Variants in ENDOV observed in about 807,000 individuals in gnomAD.
The protein encoded by ENDOV is hEndoV.
In ENDOV, 37 loss-of-function variants were observed where a neutral mutation model predicts 39.4. The ratio of observed to expected loss-of-function variants is 0.94; its 90% CI spans 0.72 to 1.23. The LOEUF is 1.23. ENDOV is among the 50% of genes most tolerant of loss of function. ENDOV has a pLI of 0.00. For missense variants in ENDOV, 441 were observed against 375.7 expected (o/e 1.17, Z -1.44); for synonymous variants, 186 against 163.4 (o/e 1.14, Z -1.05).
In ENDOV at chr17:80,436,406, AG is replaced by A; in HGVS notation, c.*264del. On this transcript the variant is annotated 3_prime_UTR_variant, in exon 10 of 10. Coordinates refer to ENST00000518137, the MANE Select transcript of ENDOV (RefSeq NM_173627.5). ...ACCACTAGATGTGATGTGAGCTGTT[AG>A]ATTTTCAAGGATGCTCTTCATCCAG... is the stretch of plus-strand genomic sequence containing the variant. The A allele has an allele frequency of 7.2e-7, 1 of 1,379,794 alleles. No homozygotes were observed. The highest frequency in any genetic ancestry group is 9.5e-7 in the Non-Finnish European group (1 of 1,049,802). 85.5% of individuals were successfully genotyped at this position (1,379,794 alleles called of 1,614,324 possible).
At chr17:80,436,031 A>G (rs1005121345) in intron 9 of ENDOV, 102 bp from the exon 10 acceptor site, 1 of 1,325,188 alleles carries the variant, frequency 7.5e-7, no homozygotes, top group Non-Finnish European at 1.1e-6. Flanking sequence ...CTGAGATTAC[A>G]GGCGCGAGCC....
intron 5 of ENDOV, chr17:80,424,150 A>C (rs1250918509): frequency 2.5e-6 from 1 of 399,198 alleles, no homozygotes; most frequent in African/African-American, 2.1e-5. Flanking sequence ...AGACACTCAC[A>C]ATGGAGGGAG....
At chr17:80,429,501 G>T (rs967284355) in intron 8 of ENDOV, among the ~76,000 whole-genome samples, 1 of 152,182 alleles carries the variant, frequency 6.6e-6, no homozygotes, top group African/African-American at 2.4e-5. Flanking sequence ...TTCCCTCTAA[G>T]CCAGGGGCTG....
intron 7 of ENDOV, among the ~76,000 whole-genome samples, chr17:80,426,704 G>A (rs1012760279): frequency 2.0e-5 from 3 of 152,222 alleles, no homozygotes; most frequent in Non-Finnish European, 2.9e-5. Context: ...GGAGCCAGAT[G>A]GCAGTGAAGT....
chr17:80,415,727 T>G lies in ENDOV; in HGVS notation c.134T>G (p.Leu45Arg), dbSNP rs1449040228. ...AWQRDPAFSG[L>R]QRVGGVDVSF... ...CAGCGAGACCCCGCCTTCTCGGGTC[T>G]GCAGAGGGTCGGGGGCGTTGACGTG... The change falls in exon 2 of 10, where the codon CTG (leucine) becomes CGG (arginine). Residue 45 changes from leucine (L) to arginine (R), a missense_variant. Coordinates refer to ENST00000518137, the MANE Select transcript of ENDOV (RefSeq NM_173627.5). 6.2e-7 allele frequency: 1 copy of G among 1,609,362 alleles called. No individual in the cohort carries two copies. Among genetic ancestry groups the G allele is most frequent in the East Asian group, 2.2e-5 (1 of 44,718 alleles).
intron 9 of ENDOV, 109 bp from the exon 10 acceptor site, chr17:80,436,024 A>T: frequency 7.9e-7 from 1 of 1,263,836 alleles, no homozygotes; most frequent in Non-Finnish European, 1.1e-6. Context: ...CCAAGTGCTG[A>T]GATTACAGGC....
intron 3 of ENDOV, 107 bp downstream of exon 3, chr17:80,422,069 C>G: frequency 3.2e-6 from 5 of 1,557,560 alleles, no homozygotes; most frequent in Non-Finnish European, 4.3e-6. Flanking sequence ...GACTCATGAG[C>G]TTCCTGGAAG....
At chr17:80,427,341 C>T (rs2082825109) in intron 7 of ENDOV, 3 of 803,238 alleles carry the variant, frequency 3.7e-6, no homozygotes, top group Non-Finnish European at 4.5e-6. Context: ...CAGCACAGTT[C>T]CTGGAGCTCC....
At chr17:80,430,106 C>T (rs41301878) in intron 9 of ENDOV, 1 of 1,534,520 alleles carries the variant, frequency 6.5e-7, no homozygotes, top group South Asian at 1.2e-5. Context: ...CAGCACAGCC[C>T]AGCACCAGGT....
At chr17:80,434,697 G>T (rs1208091239) in intron 9 of ENDOV, among the ~76,000 whole-genome samples, 2 of 152,212 alleles carry the variant, frequency 1.3e-5, no homozygotes, top group East Asian at 3.8e-4. Context: ...TGTAATCCCA[G>T]CACTTTGGAA....
intron 9 of ENDOV, 174 bp downstream of exon 9, chr17:80,430,005 G>T: frequency 1.3e-6 from 2 of 1,537,790 alleles, no homozygotes; most frequent in South Asian, 2.4e-5. Context: ...CCTGGGGGTG[G>T]TCTAGGGACT....
chr17:80,424,933 C>T, intron 5 of ENDOV, 99 bp from the exon 6 acceptor site: 1 of 1,000,800 alleles, frequency 1.0e-6, no homozygotes. Context: ...TCAGCCTGGG[C>T]AACAGTGCGA....
intron 2 of ENDOV, chr17:80,419,296 G>T: frequency 2.5e-6 from 1 of 406,076 alleles, no homozygotes; most frequent in South Asian, 4.9e-5. Context: ...AAGCAGAGCT[G>T]GGCTGGAGAA....
intron 7 of ENDOV, among the ~76,000 whole-genome samples, chr17:80,426,471 C>T (rs549207793): frequency 1.3e-5 from 2 of 151,856 alleles, no homozygotes; most frequent in African/African-American, 4.8e-5. Context: ...CAACATAGAC[C>T]CCGTCTCTAC....
chr17:80,415,587 C>G (rs996686516), intron 1 of ENDOV, 63 bp from the exon 2 acceptor site: 83 of 1,556,142 alleles, frequency 5.3e-5, no homozygotes, highest in Admixed American at 2.9e-4. Flanking sequence ...TGCAGCCGCG[C>G]GGGTGGAGGA....
intron 2 of ENDOV, chr17:80,417,906 C>G (rs551202716): frequency 6.6e-6 from 1 of 152,336 alleles, no homozygotes; most frequent in East Asian, 1.9e-4. Context: ...CCGGAAGCCT[C>G]TTGGCGTCAC....
chr17:80,430,389 TTA>T, intron 9 of ENDOV: 10 of 1,509,842 alleles, frequency 6.6e-6, no homozygotes, highest in Non-Finnish European at 8.8e-6. Context: ...GTTTGTTTGT[TTA>T]TTTATTTCCA....
intron 8 of ENDOV, among the ~76,000 whole-genome samples, chr17:80,429,340 A>G (rs2083121395): frequency 6.6e-6 from 1 of 152,224 alleles, no homozygotes; most frequent in Admixed American, 6.5e-5. Context: ...CAGTGTGGGC[A>G]GTTTGGATTC....
At chr17:80,415,408 CAG>C (rs1181815922) in intron 1 of ENDOV, 158 bp downstream of exon 1, 2 of 1,071,796 alleles carry the variant, frequency 1.9e-6, no homozygotes, top group Admixed American at 5.5e-5. Flanking sequence ...GGAGGGATCT[CAG>C]GAATTGTAGT....
Sources: allele counts gnomAD v4.1 joint callset (sites outside exome capture counted in the v4.1 genomes callset), GRCh38; gene constraint gnomAD v4.1.1; transcripts MANE v1.5; gene names NCBI Gene and HGNC (gene_info 2026-07-23, HGNC 2026-07-21).